TRPC6: variants seen among roughly 807,000 people sequenced by gnomAD.
The protein encoded by TRPC6 is short transient receptor potential channel 6.
Under a neutral mutation model 90.7 loss-of-function variants are expected in TRPC6, and 55 were observed. That is an observed-to-expected ratio of 0.61 (90% CI 0.49 to 0.76). The LOEUF (loss-of-function observed/expected upper bound fraction) is 0.76. Among genes scored for constraint, TRPC6 ranks in the 30% least tolerant of loss-of-function variants. The pLI is 0.00. For synonymous variants in TRPC6, 393 were observed against 393.0 expected (o/e 1.00, Z 0.00); for missense variants, 989 against 1,122.7 (o/e 0.88, Z 1.70).
chr11:101,467,534 G>A (rs746187693), intron 10 of TRPC6, among the ~76,000 whole-genome samples: 6 of 152,166 alleles, frequency 3.9e-5, no homozygotes, highest in Non-Finnish European at 8.8e-5. Context: ...GTCTTAATGA[G>A]ACAACATTTT....
intron 1 of TRPC6, among the ~76,000 whole-genome samples, chr11:101,568,032 A>G (rs545211981): frequency 6.6e-6 from 1 of 152,344 alleles, no homozygotes; most frequent in African/African-American, 2.4e-5. Flanking sequence ...ACGAACTGAC[A>G]GAAATAGGCT....
At chr11:101,543,093 C>T (rs1470201665) in intron 1 of TRPC6, among the ~76,000 whole-genome samples, 1 of 152,008 alleles carries the variant, frequency 6.6e-6, no homozygotes, top group Non-Finnish European at 1.5e-5. Flanking sequence ...AGACAAACAG[C>T]CCAAAACAAA....
intron 1 of TRPC6, among the ~76,000 whole-genome samples, chr11:101,542,619 A>C (rs1326031202): frequency 6.6e-6 from 1 of 151,948 alleles, no homozygotes; most frequent in Middle Eastern, 3.2e-3. Flanking sequence ...TAAAAAAAAA[A>C]ACACAAGAAA....
chr11:101,576,257 TGTTA>T (rs1402101623), intron 1 of TRPC6, among the ~76,000 whole-genome samples: 1 of 152,172 alleles, frequency 6.6e-6, no homozygotes, highest in African/African-American at 2.4e-5. Flanking sequence ...ATTCAAAAAA[TGTTA>T]GTTGCCCCAA....
chr11:101,510,414 T>C (rs1860369708), intron 1 of TRPC6, among the ~76,000 whole-genome samples: 1 of 152,186 alleles, frequency 6.6e-6, no homozygotes, highest in South Asian at 2.1e-4. Context: ...TCCATAGCAC[T>C]ACTTCAACAA....
chr11:101,501,562 C>A (rs868012699), intron 2 of TRPC6, among the ~76,000 whole-genome samples: 6 of 152,166 alleles, frequency 3.9e-5, no homozygotes, highest in Non-Finnish European at 7.4e-5. Context: ...GTCCCAGTAG[C>A]CATGGGTGGT....
intron 3 of TRPC6, among the ~76,000 whole-genome samples, chr11:101,490,882 G>A (rs923443971): frequency 2.0e-5 from 3 of 152,222 alleles, no homozygotes; most frequent in African/African-American, 2.4e-5. Flanking sequence ...GGTAAAGAAG[G>A]AATTGAAGGC....
intron 9 of TRPC6, 47 bp from the exon 10 acceptor site, chr11:101,469,548 C>T (rs1357841299): frequency 1.4e-6 from 1 of 711,950 alleles, no homozygotes; most frequent in Non-Finnish European, 2.6e-6. Flanking sequence ...TAACCAATTT[C>T]ACTCTTCATT....
intron 6 of TRPC6, among the ~76,000 whole-genome samples, chr11:101,474,998 TGAG>T (rs1859379008): frequency 1.3e-5 from 2 of 152,152 alleles, no homozygotes; most frequent in Non-Finnish European, 1.5e-5. Flanking sequence ...CCTCTTTTTG[TGAG>T]GAGGACTGCC....
chr11:101,462,853 G>A (rs2136652859), intron 10 of TRPC6, among the ~76,000 whole-genome samples: 1 of 152,252 alleles, frequency 6.6e-6, no homozygotes, highest in South Asian at 2.1e-4. Flanking sequence ...ACGTTAAATA[G>A]GAGTGGTGAG....
At chr11:101,529,225 T>C (rs1333649360) in intron 1 of TRPC6, among the ~76,000 whole-genome samples, 1 of 152,126 alleles carries the variant, frequency 6.6e-6, no homozygotes, top group African/African-American at 2.4e-5. Context: ...CACTGCCCAA[T>C]ATCTGCTCCT....
chr11:101,570,822 G>C (rs1555014723), intron 1 of TRPC6, among the ~76,000 whole-genome samples: 1 of 152,070 alleles, frequency 6.6e-6, no homozygotes, highest in Non-Finnish European at 1.5e-5. Context: ...AAATGCAACA[G>C]CCCTTCATGA....
chr11:101,456,000 A>G (rs886480484), intron 10 of TRPC6, among the ~76,000 whole-genome samples: 2 of 152,198 alleles, frequency 1.3e-5, no homozygotes, highest in Non-Finnish European at 2.9e-5. Context: ...AATAAACAAT[A>G]TATAAATTTG....
intron 1 of TRPC6, among the ~76,000 whole-genome samples, chr11:101,535,223 GAAGGAAGGAAGA>G (rs769825937): frequency 0.18 from 16,220 of 91,172 alleles, 1,325 homozygotes; most frequent in Non-Finnish European, 0.26. Flanking sequence ...AGGAAGGAAG[GAAGGAAGGAAGA>G]AAACACAAAG....
intron 1 of TRPC6, among the ~76,000 whole-genome samples, chr11:101,512,361 G>T (rs1182321201): frequency 6.6e-6 from 1 of 152,090 alleles, no homozygotes; most frequent in African/African-American, 2.4e-5. Context: ...CAAATTTTTG[G>T]TCATCATTTC....
chr11:101,460,919 T>C (rs138070969), intron 10 of TRPC6, among the ~76,000 whole-genome samples: 150 of 152,324 alleles, frequency 9.8e-4, no homozygotes, highest in African/African-American at 3.4e-3. Flanking sequence ...CTCTTATCCG[T>C]AAGAAAACAT....
chr11:101,583,054 C>T (rs1032410157), intron 1 of TRPC6: 11 of 493,920 alleles, frequency 2.2e-5, no homozygotes, highest in African/African-American at 2.1e-4. Flanking sequence ...CATCTAATCA[C>T]CTGCAATGGT....
intron 2 of TRPC6, 145 bp downstream of exon 2, chr11:101,503,879 T>C: frequency 9.7e-7 from 1 of 1,026,088 alleles, no homozygotes; most frequent in Non-Finnish European, 1.5e-6. Flanking sequence ...GCTACAATGA[T>C]TATAATAAAG....
chr11:101,563,840 G>A (rs1482246099), intron 1 of TRPC6, among the ~76,000 whole-genome samples: 1 of 152,176 alleles, frequency 6.6e-6, no homozygotes, highest in African/African-American at 2.4e-5. Flanking sequence ...GTCTACCCAA[G>A]AATCATCCAG....
Sources: gnomAD v4.1 joint callset for allele counts (sites outside exome capture counted in the v4.1 genomes callset) on GRCh38, gnomAD v4.1.1 for gene constraint, MANE v1.5 for transcripts, NCBI Gene and HGNC (gene_info 2026-07-23, HGNC 2026-07-21) for gene names.